The following KDM4C variants were observed in gnomAD, a reference collection of about 807,000 sequenced individuals.
KDM4C encodes the protein lysine-specific demethylase 4C.
A neutral mutation model predicts 129.3 loss-of-function variants in KDM4C; 81 were observed. The ratio of observed to expected loss-of-function variants is 0.63; its 90% CI spans 0.52 to 0.75. KDM4C has a LOEUF of 0.75. Ranked by LOEUF, KDM4C falls within the 30% of genes least tolerant of loss-of-function variation. KDM4C has a pLI of 0.00. For missense variants in KDM4C, 1,457 were observed against 1,304.0 expected (o/e 1.12, Z -1.81); for synonymous variants, 573 against 456.1 (o/e 1.26, Z -3.26).
intron 20 of KDM4C, among the ~76,000 whole-genome samples, chr9:7,167,481 G>T (rs1887870): frequency 0.82 from 124,031 of 152,164 alleles, 50,952 homozygotes; most frequent in African/African-American, 0.91. Context: ...AACTAAGTTG[G>T]GTAAATCAGA....
At chr9:6,795,280 C>G (rs759057824) in intron 2 of KDM4C, among the ~76,000 whole-genome samples, 1 of 152,174 alleles carries the variant, frequency 6.6e-6, no homozygotes, top group Admixed American at 6.5e-5. Flanking sequence ...TTTACTGTTT[C>G]TGGTATCTGT....
intron 19 of KDM4C, among the ~76,000 whole-genome samples, chr9:7,147,804 A>G (rs1029853479): frequency 1.3e-5 from 2 of 152,194 alleles, no homozygotes; most frequent in African/African-American, 2.4e-5. Flanking sequence ...CAGTTACCTT[A>G]TCTGTAAATT....
At chr9:6,946,542 G>C (rs1425737363) in intron 8 of KDM4C, among the ~76,000 whole-genome samples, 1 of 152,054 alleles carries the variant, frequency 6.6e-6, no homozygotes, top group Non-Finnish European at 1.5e-5. Flanking sequence ...TTTTAGGATT[G>C]TTATCCACAT....
At chr9:6,727,247 T>A (rs1817161700) in intron 1 of KDM4C, 1 of 150,100 alleles carries the variant, frequency 6.7e-6, no homozygotes. Context: ...GGTCAGGAGT[T>A]CGAGACCAGA....
intron 17 of KDM4C, among the ~76,000 whole-genome samples, chr9:7,084,473 G>C (rs1300463783): frequency 6.6e-6 from 1 of 152,122 alleles, no homozygotes; most frequent in Non-Finnish European, 1.5e-5. Flanking sequence ...CCTAGAATAG[G>C]GTCCATTATG....
At chr9:7,089,650 A>G (rs529773934) in intron 17 of KDM4C, among the ~76,000 whole-genome samples, 1 of 152,220 alleles carries the variant, frequency 6.6e-6, no homozygotes, top group East Asian at 1.9e-4. Context: ...AATACCGAGC[A>G]AATAACCTTT....
intron 1 of KDM4C, among the ~76,000 whole-genome samples, chr9:6,743,145 G>C (rs1042090923): frequency 6.6e-6 from 1 of 152,142 alleles, no homozygotes; most frequent in Non-Finnish European, 1.5e-5. Flanking sequence ...AAAATAATAA[G>C]GGATGAAACA....
intron 8 of KDM4C, among the ~76,000 whole-genome samples, chr9:6,917,809 C>G (rs1039231029): frequency 1.8e-4 from 27 of 152,136 alleles, no homozygotes; most frequent in Admixed American, 1.5e-3. Flanking sequence ...ACTTGAACTC[C>G]CATTCTTTTA....
intron 21 of KDM4C, chr9:7,170,234 A>T (rs1844826250): frequency 8.5e-7 from 1 of 1,179,578 alleles, no homozygotes; most frequent in Non-Finnish European, 1.1e-6. Context: ...TGTTAGTAGA[A>T]GCAACATTAA....
At position 6,899,009 on chromosome 9, in the gene KDM4C, A is replaced by T. The variant is rs1010042116; in HGVS notation, c.921+5777A>T. ...GGCATTTCAATTTTAAGTGTCTGACATGACATATATAATATGAACTTAGTG... is the reference window on the plus strand; with the variant it reads ...GGCATTTCAATTTTAAGTGTCTGACTTGACATATATAATATGAACTTAGTG... On this transcript the variant is annotated intron_variant, in intron 8 of 21. Coordinates refer to ENST00000381309, the MANE Select transcript of KDM4C (RefSeq NM_015061.6). Among the ~76,000 whole-genome samples the T allele has an allele frequency of 2.6e-5, 4 of 151,578 alleles. No individual in the cohort carries two copies. The East Asian group carries it at 7.7e-4, about 29-fold the overall frequency.
At chr9:6,956,380 C>T (rs1312225534) in intron 8 of KDM4C, among the ~76,000 whole-genome samples, 1 of 152,046 alleles carries the variant, frequency 6.6e-6, no homozygotes, top group Non-Finnish European at 1.5e-5. Context: ...TACACACCTA[C>T]TAAGTACCCA....
At chr9:6,721,868 T>A (rs10122451) in intron 1 of KDM4C, among the ~76,000 whole-genome samples, 53,055 of 151,442 alleles carry the variant, frequency 0.35, 9,574 homozygotes, top group African/African-American at 0.46. Flanking sequence ...GATTACAGGC[T>A]TGAGCCACCG....
intron 12 of KDM4C, among the ~76,000 whole-genome samples, chr9:6,995,912 C>T (rs977074374): frequency 6.6e-6 from 1 of 152,180 alleles, no homozygotes; most frequent in Non-Finnish European, 1.5e-5. Flanking sequence ...TCGTGATCTG[C>T]CCACCTCGGC....
intron 17 of KDM4C, among the ~76,000 whole-genome samples, chr9:7,068,699 T>C (rs1010146697): frequency 7.1e-6 from 1 of 140,550 alleles, no homozygotes; most frequent in East Asian, 2.0e-4. Context: ...TTTTTTTTTT[T>C]TTTTTTTTTT....
intron 8 of KDM4C, among the ~76,000 whole-genome samples, chr9:6,965,934 A>G (rs375789337): frequency 1.3e-4 from 20 of 152,232 alleles, no homozygotes; most frequent in African/African-American, 3.4e-4. Context: ...AACCATCACA[A>G]TAAGTTTGGT....
intron 17 of KDM4C, among the ~76,000 whole-genome samples, chr9:7,078,613 T>C (rs535214516): frequency 6.6e-6 from 1 of 152,234 alleles, no homozygotes; most frequent in African/African-American, 2.4e-5. Context: ...GTATTTTACA[T>C]GTTTTCCATT....
chr9:6,974,979 C>T (rs1434798311), intron 8 of KDM4C: 1 of 152,198 alleles, frequency 6.6e-6, no homozygotes, highest in Non-Finnish European at 1.5e-5. Context: ...ATAATTTCTA[C>T]TGAATCTTTT....
At chr9:7,089,751 G>T (rs1193649319) in intron 17 of KDM4C, among the ~76,000 whole-genome samples, 10 of 152,150 alleles carry the variant, frequency 6.6e-5, no homozygotes, top group Non-Finnish European at 1.5e-4. Flanking sequence ...AAAGGGTGGG[G>T]GTATGGAAGC....
At chr9:7,100,664 TA>T (rs1836973767) in intron 17 of KDM4C, among the ~76,000 whole-genome samples, 2 of 152,228 alleles carry the variant, frequency 1.3e-5, no homozygotes, top group Admixed American at 6.5e-5. Flanking sequence ...AACATCATGT[TA>T]AAAACATTCT....
Sources: allele counts gnomAD v4.1 joint callset (sites outside exome capture counted in the v4.1 genomes callset), GRCh38; gene constraint gnomAD v4.1.1; transcripts MANE v1.5; gene names NCBI Gene and HGNC (gene_info 2026-07-23, HGNC 2026-07-21).